PTPRD: variants seen among roughly 807,000 people sequenced by gnomAD.
PTPRD encodes the protein receptor-type tyrosine-protein phosphatase delta.
In PTPRD, 34 loss-of-function variants were observed where a neutral mutation model predicts 214.5. The observed-to-expected ratio is 0.16, with a 90% CI of 0.12 to 0.21. PTPRD has a LOEUF of 0.21. Among genes scored for constraint, PTPRD ranks in the 10% least tolerant of loss-of-function variants. The pLI is 1.00. For missense variants in PTPRD, 2,545 were observed against 2,398.7 expected, an observed-to-expected ratio of 1.06 and a Z score of -1.27; for synonymous variants, 1,128 against 845.7, an observed-to-expected ratio of 1.33 and a Z score of -5.79.
At chr9:10,162,361 G>T (rs1334769703) in intron 3 of PTPRD, among the ~76,000 whole-genome samples, 1 of 151,298 alleles carries the variant, frequency 6.6e-6, no homozygotes, top group African/African-American at 2.4e-5. Context: ...ATAATATTCA[G>T]CCATAAAAAG....
intron 10 of PTPRD, among the ~76,000 whole-genome samples, chr9:9,178,630 C>A (rs2099926343): frequency 6.6e-6 from 1 of 152,050 alleles, no homozygotes. Context: ...GTCATTACAA[C>A]TATAGGCTTT....
intron 14 of PTPRD, among the ~76,000 whole-genome samples, chr9:8,557,795 CACACACACACACATAT>C (rs1249781851): frequency 2.1e-4 from 30 of 140,062 alleles, no homozygotes; most frequent in African/African-American, 7.9e-4. Context: ...CACACACACA[CACACACACACACATAT>C]ATACACACAC....
intron 9 of PTPRD, among the ~76,000 whole-genome samples, chr9:9,333,941 A>C (rs1330554893): frequency 6.6e-6 from 1 of 151,936 alleles, no homozygotes; most frequent in Non-Finnish European, 1.5e-5. Flanking sequence ...AGTCTCTTCG[A>C]TCCTCAATGT....
chr9:8,780,604 G>A (rs17660536), intron 11 of PTPRD, among the ~76,000 whole-genome samples: 14,037 of 152,134 alleles, frequency 0.092, 852 homozygotes, highest in Non-Finnish European at 0.13. Flanking sequence ...TGAGGTACCC[G>A]AAGCAACCCC....
chr9:9,808,216 T>C (rs991896964), intron 5 of PTPRD, among the ~76,000 whole-genome samples: 4 of 152,192 alleles, frequency 2.6e-5, no homozygotes, highest in Non-Finnish European at 5.9e-5. Context: ...AGAACGATTC[T>C]CCAAAGTATA....
At chr9:9,835,890 A>C (rs566679856) in intron 5 of PTPRD, among the ~76,000 whole-genome samples, 1 of 152,130 alleles carries the variant, frequency 6.6e-6, no homozygotes, top group African/African-American at 2.4e-5. Context: ...TCATTCAGTG[A>C]GAAGAAAATG....
chr9:10,141,324 G>C (rs1008758999), intron 3 of PTPRD, among the ~76,000 whole-genome samples: 3 of 152,094 alleles, frequency 2.0e-5, no homozygotes, highest in African/African-American at 7.2e-5. Flanking sequence ...CCTTTTTGCA[G>C]ACGACATGAT....
At chr9:9,067,600 T>C (rs1590948148) in intron 10 of PTPRD, among the ~76,000 whole-genome samples, 1 of 152,224 alleles carries the variant, frequency 6.6e-6, no homozygotes, top group Non-Finnish European at 1.5e-5. Context: ...ATTAGTCTTT[T>C]GGTTATTTAC....
intron 9 of PTPRD, among the ~76,000 whole-genome samples, chr9:9,379,230 T>TTA (rs750778113): frequency 0.012 from 1,822 of 145,846 alleles, 8 homozygotes; most frequent in South Asian, 0.019. Flanking sequence ...TTGATATATT[T>TTA]TATATATATA....
intron 3 of PTPRD, among the ~76,000 whole-genome samples, chr9:10,289,629 A>AAAAAGG (rs1356789921): frequency 6.6e-6 from 1 of 152,222 alleles, no homozygotes; most frequent in Admixed American, 6.5e-5. Context: ...AAAGAAAAAG[A>AAAAAGG]AAATGACTTC....
chr9:9,436,097 A>G (rs559028550), intron 8 of PTPRD, among the ~76,000 whole-genome samples: 17 of 152,290 alleles, frequency 1.1e-4, no homozygotes, highest in Non-Finnish European at 1.2e-4. Flanking sequence ...AATGCAAGGG[A>G]ATAAATATTC....
intron 3 of PTPRD, among the ~76,000 whole-genome samples, chr9:10,136,722 C>A (rs1331156519): frequency 3.6e-5 from 3 of 82,600 alleles, no homozygotes; most frequent in Non-Finnish European, 4.5e-5. Flanking sequence ...AACTAAAGAG[C>A]TTCTGCACAG....
At chr9:8,527,393 A>T in intron 15 of PTPRD, 40 bp from the exon 16 acceptor site, 2 of 1,584,052 alleles carry the variant, frequency 1.3e-6, no homozygotes, top group Non-Finnish European at 1.7e-6. Flanking sequence ...ACAGCATAAA[A>T]ATATTATTAT....
chr9:9,928,095 A>G (rs371725525), intron 5 of PTPRD, among the ~76,000 whole-genome samples: 1 of 152,174 alleles, frequency 6.6e-6, no homozygotes, highest in African/African-American at 2.4e-5. Context: ...TTTGAAAAGT[A>G]TTGTAGTGCT....
chr9:10,592,001 G>C (rs895876367), intron 2 of PTPRD, among the ~76,000 whole-genome samples: 1 of 152,094 alleles, frequency 6.6e-6, no homozygotes, highest in Non-Finnish European at 1.5e-5. Flanking sequence ...GACACTCTCA[G>C]AAACTTTTTA....
chr9:10,445,815 G>A (rs78874191), intron 2 of PTPRD, among the ~76,000 whole-genome samples: 2 of 152,010 alleles, frequency 1.3e-5, no homozygotes, highest in Non-Finnish European at 2.9e-5. Context: ...GCATGAAGAA[G>A]TGAAAGCAAG....
chr9:10,452,013 A>T (rs552082188), intron 2 of PTPRD, among the ~76,000 whole-genome samples: 2 of 152,148 alleles, frequency 1.3e-5, no homozygotes, highest in South Asian at 4.1e-4. Flanking sequence ...CTTCTGAATT[A>T]AAAATTCCTT....
At chr9:9,856,505 T>C (rs1376007812) in intron 5 of PTPRD, among the ~76,000 whole-genome samples, 2 of 152,068 alleles carry the variant, frequency 1.3e-5, no homozygotes, top group African/African-American at 2.4e-5. Flanking sequence ...GGAATCTTCA[T>C]TCCTCAAGAT....
In PTPRD at chr9:8,774,527, C is replaced by CTTTTTTTTTTT. The variant is rs564318443; in HGVS notation, c.-103-40592_-103-40582dup. ...TAACCAAAATGCATGTGAAAAGTAACTTTTTTTTTTTTTTTTTTTTTTTTG... is the reference window on the plus strand; with the variant it reads ...TAACCAAAATGCATGTGAAAAGTAACTTTTTTTTTTTTTTTTTTTTTTTTTTTTTTTTTTTG... On this transcript the variant is annotated intron_variant, in intron 11 of 45. Transcript: ENST00000381196. 9.5e-5 allele frequency among the ~76,000 whole-genome samples: 10 copies of CTTTTTTTTTTT among 105,218 alleles called. 1 individual carries two copies. The highest frequency in any genetic ancestry group is 6.3e-3 in the Middle Eastern group (1 of 158). The allele number at this position is 105,218 out of a possible 152,430, so 69.0% of individuals were successfully genotyped here. A position where few individuals can be genotyped will look rare whatever the true frequency, so the allele number is the denominator to read the frequency against.
Sources: allele counts gnomAD v4.1 joint callset (sites outside exome capture counted in the v4.1 genomes callset), GRCh38; gene constraint gnomAD v4.1.1; transcripts MANE v1.5; gene names NCBI Gene and HGNC (gene_info 2026-07-23, HGNC 2026-07-21).